The following XYLT1 variants were observed in gnomAD, a reference collection of about 807,000 sequenced individuals.
XYLT1 encodes the protein beta-D-xylosyltransferase 1.
Under a neutral mutation model 91.3 loss-of-function variants are expected in XYLT1, and 36 were observed. The ratio of observed to expected loss-of-function variants is 0.39; its 90% confidence interval spans 0.30 to 0.52. The LOEUF (loss-of-function observed/expected upper bound fraction) is 0.52. Among genes scored for constraint, XYLT1 ranks in the 20% least tolerant of loss-of-function variants. The pLI is 0.68. For synonymous variants in XYLT1, 588 were observed against 532.0 expected (o/e 1.11, Z -1.45); for missense variants, 1,242 against 1,284.5 (o/e 0.97, Z 0.51).
At chr16:17,245,295 A>G (rs764635) in intron 3 of XYLT1, among the ~76,000 whole-genome samples, 1,952 of 152,132 alleles carry the variant, frequency 0.013, 23 homozygotes, top group Admixed American at 0.027. Context: ...CCATCTTTTC[A>G]CTTTGGTCGC....
At chr16:17,287,898 G>C (rs11861747) in intron 2 of XYLT1, among the ~76,000 whole-genome samples, 47,861 of 151,496 alleles carry the variant, frequency 0.32, 8,147 homozygotes, top group Middle Eastern at 0.46. Flanking sequence ...TACTAAGTGA[G>C]AGTTTAAGAT....
At chr16:17,135,176 A>G (rs762834402) in intron 8 of XYLT1, among the ~76,000 whole-genome samples, 7 of 152,162 alleles carry the variant, frequency 4.6e-5, no homozygotes, top group Non-Finnish European at 8.8e-5. Flanking sequence ...CTCTTTAAAC[A>G]GCAATAGATC....
chr16:17,300,474 T>TTTTTTTTTG (rs869088672), intron 2 of XYLT1, among the ~76,000 whole-genome samples: 1 of 122,042 alleles, frequency 8.2e-6, no homozygotes. Context: ...TTTTTTTTTT[T>TTTTTTTTTG]GAGATGGAGT....
intron 2 of XYLT1, among the ~76,000 whole-genome samples, chr16:17,310,449 C>G (rs138596043): frequency 9.9e-5 from 15 of 152,194 alleles, no homozygotes; most frequent in African/African-American, 3.6e-4. Flanking sequence ...TCTGTCCCCA[C>G]CAGATAGTGA....
At chr16:17,120,969 C>CCAT (rs1312580319) in intron 10 of XYLT1, among the ~76,000 whole-genome samples, 1 of 152,172 alleles carries the variant, frequency 6.6e-6, no homozygotes, top group East Asian at 1.9e-4. Context: ...AATCATCTAT[C>CCAT]CATCTGTTTG....
intron 1 of XYLT1, among the ~76,000 whole-genome samples, chr16:17,419,396 T>G (rs1394032547): frequency 6.6e-6 from 1 of 150,904 alleles, no homozygotes; most frequent in East Asian, 2.0e-4. Context: ...CTCATTGACA[T>G]AGCTCAGGGG....
intron 3 of XYLT1, among the ~76,000 whole-genome samples, chr16:17,204,456 A>G (rs1342514734): frequency 1.4e-5 from 2 of 140,718 alleles, no homozygotes; most frequent in East Asian, 5.1e-4. Flanking sequence ...AGCTCTTCTG[A>G]GTACAGCTAT....
chr16:17,333,733 A>C (rs1022925532), intron 2 of XYLT1, among the ~76,000 whole-genome samples: 1 of 151,872 alleles, frequency 6.6e-6, no homozygotes, highest in African/African-American at 2.4e-5. Flanking sequence ...GATTACAGGC[A>C]TGTACCACCA....
intron 3 of XYLT1, among the ~76,000 whole-genome samples, chr16:17,253,368 C>A (rs1044363760): frequency 2.0e-5 from 3 of 152,190 alleles, no homozygotes; most frequent in African/African-American, 7.2e-5. Flanking sequence ...TGGGAGGGTG[C>A]GCTATCCTGG....
At chr16:17,449,379 C>T (rs2036635630) in intron 1 of XYLT1, among the ~76,000 whole-genome samples, 1 of 152,232 alleles carries the variant, frequency 6.6e-6, no homozygotes, top group Admixed American at 6.5e-5. Context: ...TGGGTGTCTG[C>T]CAGGCCTGCA....
intron 6 of XYLT1, among the ~76,000 whole-genome samples, chr16:17,152,292 T>C (rs1007530467): frequency 6.6e-6 from 1 of 152,246 alleles, no homozygotes; most frequent in African/African-American, 2.4e-5. Flanking sequence ...GAGGTATGTG[T>C]GTGCAGTTTT....
chr16:17,351,857 T>C (rs1243519497), intron 2 of XYLT1, among the ~76,000 whole-genome samples: 1 of 151,820 alleles, frequency 6.6e-6, no homozygotes, highest in African/African-American at 2.4e-5. Context: ...TAATCACAAA[T>C]GTTGGGCCAG....
chr16:17,412,042 A>G (rs1165902816), intron 1 of XYLT1, among the ~76,000 whole-genome samples: 1 of 152,122 alleles, frequency 6.6e-6, no homozygotes, highest in African/African-American at 2.4e-5. Flanking sequence ...AAGGGGGAAC[A>G]AGATCTTCCA....
chr16:17,372,861 G>A (rs755836264), intron 1 of XYLT1, among the ~76,000 whole-genome samples: 4 of 152,044 alleles, frequency 2.6e-5, no homozygotes, highest in African/African-American at 4.8e-5. Context: ...AGGATTCACC[G>A]AATATCTGTA....
chr16:17,241,209 T>C (rs2033340368), intron 3 of XYLT1, among the ~76,000 whole-genome samples: 1 of 152,256 alleles, frequency 6.6e-6, no homozygotes. Flanking sequence ...GTTAAATTCC[T>C]TGATAGCGTT....
intron 1 of XYLT1, among the ~76,000 whole-genome samples, chr16:17,385,771 C>G (rs2035741374): frequency 6.6e-6 from 1 of 151,160 alleles, no homozygotes. Context: ...GCAGTGTGAC[C>G]CTGGACAAGT....
intron 2 of XYLT1, among the ~76,000 whole-genome samples, chr16:17,307,813 T>C (rs973313892): frequency 6.6e-6 from 1 of 152,058 alleles, no homozygotes; most frequent in Non-Finnish European, 1.5e-5. Context: ...CAATTGCTCA[T>C]GGAGAGAAAA....
intron 3 of XYLT1, among the ~76,000 whole-genome samples, chr16:17,248,745 A>ATTTTTTTT (rs1045404682): frequency 3.9e-5 from 5 of 127,030 alleles, no homozygotes; most frequent in Admixed American, 8.4e-5. Context: ...TTACATGTGA[A>ATTTTTTTT]TTTTTTTTTT....
chr16:17,335,480 C>G (rs1034981982), intron 2 of XYLT1, among the ~76,000 whole-genome samples: 5 of 151,972 alleles, frequency 3.3e-5, no homozygotes, highest in African/African-American at 1.2e-4. Flanking sequence ...CACCTGAGGT[C>G]AGGAGTTCAG....
Sources: gnomAD v4.1 joint callset for allele counts (sites outside exome capture counted in the v4.1 genomes callset) on GRCh38, gnomAD v4.1.1 for gene constraint, MANE v1.5 for transcripts, NCBI Gene and HGNC (gene_info 2026-07-23, HGNC 2026-07-21) for gene names.